The following PUM2 variants were observed in gnomAD, a reference collection of about 807,000 sequenced individuals.
PUM2 encodes pumilio homolog 2.
Under a neutral mutation model 124.5 loss-of-function variants are expected in PUM2, and 57 were observed. The observed-to-expected ratio is 0.46, with a 90% CI of 0.37 to 0.57. The LOEUF is 0.57. PUM2 is among the 20% of genes least tolerant of loss of function. The pLI is 0.00. For missense variants in PUM2, 1,065 were observed against 1,290.6 expected (o/e 0.83, Z 2.68); for synonymous variants, 460 against 446.1 (o/e 1.03, Z -0.39).
chr2:20,300,764 A>C (rs2148394715), intron 7 of PUM2, among the ~76,000 whole-genome samples: 1 of 151,438 alleles, frequency 6.6e-6, no homozygotes. Flanking sequence ...TTCCTAAATA[A>C]GATAGCTAGA....
At chr2:20,325,856 T>C (rs1464968973) in intron 2 of PUM2, among the ~76,000 whole-genome samples, 1 of 152,128 alleles carries the variant, frequency 6.6e-6, no homozygotes, top group Non-Finnish European at 1.5e-5. Context: ...CTCCTGACCT[T>C]GTGATCCGCC....
chr2:20,323,462 A>AG (rs930201342), intron 2 of PUM2, among the ~76,000 whole-genome samples: 2 of 151,930 alleles, frequency 1.3e-5, no homozygotes, highest in African/African-American at 4.8e-5. Context: ...AAAAAAAAAA[A>AG]AAAGAATGGC....
intron 9 of PUM2, among the ~76,000 whole-genome samples, chr2:20,292,892 A>G (rs1674549562): frequency 6.6e-6 from 1 of 152,074 alleles, no homozygotes; most frequent in Admixed American, 6.5e-5. Context: ...ACTCCATTGC[A>G]CTCCAGTCTG....
At chr2:20,251,959 C>T (rs182553863) in intron 20 of PUM2, among the ~76,000 whole-genome samples, 11 of 152,214 alleles carry the variant, frequency 7.2e-5, no homozygotes, top group African/African-American at 2.6e-4. Context: ...CAGGCAGAGG[C>T]CCCAAACATA....
chr2:20,253,480 G>GGTT (rs896301650), intron 20 of PUM2, among the ~76,000 whole-genome samples: 1 of 152,018 alleles, frequency 6.6e-6, no homozygotes, highest in Admixed American at 6.6e-5. Flanking sequence ...GGGACTAAAG[G>GGTT]GTTGCACCAT....
intron 13 of PUM2, among the ~76,000 whole-genome samples, chr2:20,268,834 G>C (rs1416732542): frequency 1.3e-5 from 2 of 151,938 alleles, no homozygotes; most frequent in South Asian, 2.1e-4. Flanking sequence ...TATGTCTATT[G>C]CATGTAAAGT....
intron 13 of PUM2, among the ~76,000 whole-genome samples, chr2:20,265,264 A>G (rs959750942): frequency 5.3e-5 from 8 of 151,782 alleles, no homozygotes; most frequent in African/African-American, 1.7e-4. Flanking sequence ...AAAAAAAAAA[A>G]GGCATGTAAT....
chr2:20,286,565 T>A (rs72787411), intron 10 of PUM2, among the ~76,000 whole-genome samples: 42,804 of 152,066 alleles, frequency 0.28, 6,432 homozygotes, highest in Middle Eastern at 0.35. Context: ...GGTTATCAAC[T>A]TTATTGTCTT....
At chr2:20,274,229 G>A (rs1041207183) in intron 13 of PUM2, among the ~76,000 whole-genome samples, 1 of 151,974 alleles carries the variant, frequency 6.6e-6, no homozygotes, top group African/African-American at 2.4e-5. Flanking sequence ...AAAAACTATC[G>A]AATGCTATTC....
At chr2:20,318,945 CTCAG>C (rs1263792672) in intron 2 of PUM2, among the ~76,000 whole-genome samples, 2 of 152,188 alleles carry the variant, frequency 1.3e-5, no homozygotes, top group Non-Finnish European at 2.9e-5. Flanking sequence ...AAATTCCTTA[CTCAG>C]TAACAGATTT....
chr2:20,350,336 A>G, intron 1 of PUM2: 1 of 460,764 alleles, frequency 2.2e-6, no homozygotes, highest in Non-Finnish European at 2.9e-6. Flanking sequence ...CACGCCCCCG[A>G]GGCGGCGGCC....
At chr2:20,284,351 T>C (rs1054646521) in intron 10 of PUM2, among the ~76,000 whole-genome samples, 1 of 152,140 alleles carries the variant, frequency 6.6e-6, no homozygotes, top group African/African-American at 2.4e-5. Context: ...AAAACATGCA[T>C]TGGCAACTTT....
chr2:20,312,929 T>C lies in PUM2; in HGVS notation c.161-506A>G, dbSNP rs1679982610. On this transcript the variant is annotated intron_variant, in intron 3 of 20. Coordinates refer to ENST00000361078, the MANE Select transcript of PUM2 (RefSeq NM_015317.5). The stretch of plus-strand genomic sequence containing the variant: ...AAATAACACATCTATAGCCACCTGA[T>C]CTTTGACAAACCTGAGAAAAACAAG... Among the ~76,000 whole-genome samples, 4 of 152,218 alleles carry C rather than the reference T, an allele frequency of 2.6e-5. No individual in the cohort carries two copies. In the South Asian group the frequency reaches 8.3e-4, roughly 32 times the overall value.
intron 14 of PUM2, among the ~76,000 whole-genome samples, chr2:20,262,292 TC>T (rs1176066289): frequency 1.3e-5 from 2 of 152,206 alleles, no homozygotes; most frequent in African/African-American, 4.8e-5. Context: ...TCACATTAAG[TC>T]CCCTACACAC....
chr2:20,350,927 G>T (rs1471520668), upstream of PUM2: 8 of 331,688 alleles, frequency 2.4e-5, no homozygotes, highest in South Asian at 6.1e-4. Flanking sequence ...TCCTTTTAAT[G>T]CCTTGCGTCC....
Position 20,294,488 on chromosome 2 carries a change from C to T in PUM2, c.1040G>A (p.Gly347Asp). The T allele has an allele frequency of 6.2e-7, 1 of 1,613,994 alleles. No homozygotes were observed. The highest frequency in any genetic ancestry group is 8.5e-7 in the Non-Finnish European group (1 of 1,180,010). ...GGCTGGATACACCCCCCATGGAACG[C>T]CGTAATACTGAGGTGGAACCACTGC... ...GPAVVPPQYY[G>D]VPWGVYPANL... The change falls in exon 9 of 21, where the codon GGC becomes GAC. Residue 347 changes from glycine (G) to aspartate (D), a missense_variant. By Grantham distance (94) the Gly-to-Asp change is moderately conservative. Around this residue, in one of 3 missense-constraint regions of PUM2, gnomAD observed 968 missense variants for 1,159.8 expected, o/e 0.83. Transcript: ENST00000361078.
intron 1 of PUM2, among the ~76,000 whole-genome samples, chr2:20,342,121 T>C (rs1372919963): frequency 2.2e-5 from 3 of 136,270 alleles, no homozygotes; most frequent in East Asian, 4.1e-4. Context: ...AGAGTGAGAC[T>C]CTGTCTCAAA....
intron 2 of PUM2, among the ~76,000 whole-genome samples, chr2:20,326,685 G>A (rs1013078921): frequency 7.2e-5 from 11 of 152,134 alleles, no homozygotes; most frequent in Admixed American, 3.3e-4. Flanking sequence ...ATAGATTAAC[G>A]AGAATGATAA....
chr2:20,290,601 C>T, intron 10 of PUM2, 51 bp downstream of exon 10: 1 of 1,540,644 alleles, frequency 6.5e-7, no homozygotes, highest in South Asian at 1.3e-5. Flanking sequence ...TGAGTACCTA[C>T]ACTTAACATC....
Sources: gnomAD v4.1 joint callset for allele counts (sites outside exome capture counted in the v4.1 genomes callset) on GRCh38, gnomAD v4.1.1 for gene constraint, gnomAD v4.1.1 regional missense constraint, MANE v1.5 for transcripts, NCBI Gene and HGNC (gene_info 2026-07-23, HGNC 2026-07-21) for gene names.